GARS1: variants seen among roughly 807,000 people sequenced by gnomAD.
GARS1 encodes glycine--tRNA ligase.
In GARS1, 46 loss-of-function variants were observed where a neutral mutation model predicts 86.4. The ratio of observed to expected loss-of-function variants is 0.53; its 90% CI spans 0.42 to 0.68. GARS1 has a LOEUF of 0.68. Ranked by LOEUF, GARS1 falls within the 30% of genes least tolerant of loss-of-function variation. The probability of loss-of-function intolerance (pLI) is 0.00; values close to 1 mark genes in which losing one functional copy is unlikely to be tolerated. For missense variants in GARS1, 797 were observed against 915.6 expected, an observed-to-expected ratio of 0.87 and a Z score of 1.67; for synonymous variants, 342 against 329.8, an observed-to-expected ratio of 1.04 and a Z score of -0.40.
chr7:30,595,166 G>C lies in GARS1; in HGVS notation c.222+23G>C, dbSNP rs773923827. The C allele has an allele frequency of 4.6e-5, 71 of 1,530,170 alleles. No individual in the cohort carries two copies. In the African/African-American group the frequency reaches 9.3e-4, roughly 20 times the overall value. 94.8% of individuals were successfully genotyped at this position (1,530,170 alleles called of 1,614,324 possible). ...CAGGTACCGGTGTTTTGCGCTCTCCGCTAAGCCTCCGGCTCTCCTCCCAGG... is the reference window on the plus strand; with the variant it reads ...CAGGTACCGGTGTTTTGCGCTCTCCCCTAAGCCTCCGGCTCTCCTCCCAGG... On this transcript the variant is annotated intron_variant, in intron 1 of 16. Transcript: ENST00000389266.
chr7:30,616,155 T>A (rs1224593515), intron 9 of GARS1, 97 bp downstream of exon 9: 2 of 1,370,132 alleles, frequency 1.5e-6, no homozygotes, highest in Non-Finnish European at 2.1e-6. Context: ...ATATTTTATT[T>A]TGGCAGTCAT....
intron 6 of GARS1, among the ~76,000 whole-genome samples, chr7:30,607,888 A>G (rs956301608): frequency 6.6e-6 from 1 of 152,200 alleles, no homozygotes; most frequent in Admixed American, 6.5e-5. Context: ...ATATAAACAA[A>G]GACATATAGA....
At chr7:30,622,486 TC>T (rs1783034192) in intron 12 of GARS1, 24 bp downstream of exon 12, 2 of 1,613,708 alleles carry the variant, frequency 1.2e-6, no homozygotes, top group South Asian at 1.1e-5. Context: ...TGTTTACTCT[TC>T]CATGGGCTCC....
Position 30,622,190 on chromosome 7 carries a change from A to G in GARS1, c.1468-127A>G, listed in dbSNP as rs1584044388. On this transcript the variant is annotated intron_variant, in intron 11 of 16. Coordinates refer to ENST00000389266, the MANE Select transcript of GARS1 (RefSeq NM_002047.4). ...TGTTTCATCTTGCCTTAAAATCAGC[A>G]TAAACAGGATCTGGAGTACTGATAG... The G allele has an allele frequency of 1.2e-5, 13 of 1,113,292 alleles. No individual in the cohort carries two copies. The East Asian group carries it at 2.5e-4, about 21-fold the overall frequency. 69.0% of individuals were successfully genotyped at this position (1,113,292 alleles called of 1,614,324 possible). A position where few individuals can be genotyped will look rare whatever the true frequency, so the allele number is the denominator to read the frequency against.
chr7:30,596,789 C>T (rs1346729053), intron 1 of GARS1, among the ~76,000 whole-genome samples: 1 of 152,072 alleles, frequency 6.6e-6, no homozygotes, highest in Non-Finnish European at 1.5e-5. Flanking sequence ...ATTACTGAGT[C>T]CTATGTCAGC....
chr7:30,606,266 T>A (rs1036038896), intron 6 of GARS1, among the ~76,000 whole-genome samples: 1 of 151,720 alleles, frequency 6.6e-6, no homozygotes. Flanking sequence ...CATTAACTGA[T>A]GAGGGGATTT....
At position 30,626,996 on chromosome 7, in the gene GARS1, A is replaced by G. The variant is rs1227150275; in HGVS notation, c.1699+677A>G. 15 of 422,658 alleles carry G rather than the reference A, an allele frequency of 3.5e-5. No individual in the cohort carries two copies. The East Asian group carries it at 1.0e-3, about 29-fold the overall frequency. 26.2% of individuals were successfully genotyped at this position (422,658 alleles called of 1,614,324 possible). A position where few individuals can be genotyped will look rare whatever the true frequency, so the allele number is the denominator to read the frequency against. Reference sequence around the variant, plus strand: ...ACTCCGTCTCAAAAAAAAAAAAAAAAGTAATTTAGACCAGTGATGTTGCAT... The same window carrying G: ...ACTCCGTCTCAAAAAAAAAAAAAAAGGTAATTTAGACCAGTGATGTTGCAT... On this transcript the variant is annotated intron_variant, in intron 13 of 16. Transcript: ENST00000389266.
chr7:30,618,507 C>T (rs1782933244), intron 10 of GARS1, among the ~76,000 whole-genome samples: 1 of 151,968 alleles, frequency 6.6e-6, no homozygotes. Flanking sequence ...GATAGCACGC[C>T]CCTGTAGTTT....
At chr7:30,615,869 G>C in intron 8 of GARS1, 27 bp from the exon 9 acceptor site, 1 of 1,613,578 alleles carries the variant, frequency 6.2e-7, no homozygotes, top group Non-Finnish European at 8.5e-7. Context: ...AAATATGCAG[G>C]TTTATCGCTT....
chr7:30,615,082 T>A (rs529984115), intron 8 of GARS1, among the ~76,000 whole-genome samples: 2 of 152,302 alleles, frequency 1.3e-5, no homozygotes, highest in Non-Finnish European at 2.9e-5. Context: ...CTAAATTGCA[T>A]TCAGAGAAAT....
At chr7:30,609,177 G>A (rs1316919964) in intron 6 of GARS1, among the ~76,000 whole-genome samples, 1 of 152,176 alleles carries the variant, frequency 6.6e-6, no homozygotes, top group African/African-American at 2.4e-5. Flanking sequence ...GCTATTAATA[G>A]TATATTTGCT....
At chr7:30,596,101 A>G (rs1791240896) in intron 1 of GARS1, among the ~76,000 whole-genome samples, 1 of 152,226 alleles carries the variant, frequency 6.6e-6, no homozygotes, top group Non-Finnish European at 1.5e-5. Flanking sequence ...GACCCCGGAG[A>G]TCATGACTTA....
intron 13 of GARS1, 84 bp downstream of exon 13, chr7:30,626,403 C>A (rs1308869023): frequency 2.3e-6 from 2 of 881,632 alleles, no homozygotes; most frequent in African/African-American, 1.7e-5. Context: ...GCTCTGTCAC[C>A]CAGGCTGGAG....
chr7:30,594,961 G>T lies in GARS1; in HGVS notation c.40G>T (p.Ala14Ser). 6.3e-7 allele frequency: 1 copy of T among 1,595,842 alleles called. No homozygotes were observed. The stretch of plus-strand genomic sequence containing the variant: ...TCCAGTGCTGCTTAGAGGTGCTCGC[G>T]CCGCTCTGCTGCTGCTGCTGCCGCC... Reference protein sequence around the residue: ...PRPVLLRGARAALLLLLPPRL... With the variant: ...PRPVLLRGARSALLLLLPPRL... Residue 14 changes from alanine to serine, a missense_variant, in exon 1 of 17, where the codon GCC (alanine) becomes TCC (serine). Around this residue, in one of 2 missense-constraint regions of GARS1, gnomAD observed 199 missense variants for 176.9 expected, o/e 1.12. Coordinates refer to ENST00000389266, the MANE Select transcript of GARS1 (RefSeq NM_002047.4).
intron 8 of GARS1, among the ~76,000 whole-genome samples, chr7:30,614,936 T>C (rs1487592922): frequency 6.6e-6 from 1 of 152,198 alleles, no homozygotes; most frequent in Non-Finnish European, 1.5e-5. Context: ...AGGATCCATT[T>C]AAGCAATTTT....
chr7:30,611,944 G>T, intron 7 of GARS1, 152 bp from the exon 8 acceptor site: 1 of 735,770 alleles, frequency 1.4e-6, no homozygotes, highest in East Asian at 2.5e-5. Context: ...TGCTACCGAG[G>T]AAAATATTTC....
At chr7:30,607,421 A>G (rs961073611) in intron 6 of GARS1, among the ~76,000 whole-genome samples, 2 of 152,108 alleles carry the variant, frequency 1.3e-5, no homozygotes, top group Non-Finnish European at 2.9e-5. Context: ...GCTGGAAACA[A>G]TTATTCTCAG....
At chr7:30,626,356 T>C in intron 13 of GARS1, 37 bp downstream of exon 13, 1 of 1,243,344 alleles carries the variant, frequency 8.0e-7, no homozygotes, top group Non-Finnish European at 1.2e-6. Context: ...AAGTCACTGC[T>C]CCTTAAAGCT....
rs1295910516 is a variant in GARS1 at position 30,609,482 on chromosome 7, TTG to T, written c.736-98_736-97del. On this transcript the variant is annotated intron_variant, in intron 6 of 16. Coordinates refer to ENST00000389266, the MANE Select transcript of GARS1 (RefSeq NM_002047.4). ...AGGTTAATTGTGATGTTCCTGAATT[TTG>T]TGTGATTGTAGCAGTGGATGGCTAG... is the stretch of plus-strand genomic sequence containing the variant. 3.2e-6 allele frequency: 3 copies of T among 942,302 alleles called. No individual in the cohort carries two copies. In the African/African-American group the frequency reaches 4.9e-5, roughly 15 times the overall value. The allele number at this position is 942,302 out of a possible 1,614,324, so 58.4% of individuals were successfully genotyped here.
Sources: gnomAD v4.1 joint callset for allele counts (sites outside exome capture counted in the v4.1 genomes callset) on GRCh38, gnomAD v4.1.1 for gene constraint, gnomAD v4.1.1 regional missense constraint, MANE v1.5 for transcripts, NCBI Gene and HGNC (gene_info 2026-07-23, HGNC 2026-07-21) for gene names.